The following MIOS variants were observed in gnomAD, a reference collection of about 807,000 sequenced individuals.
MIOS encodes the protein meiosis regulator for oocyte development.
Under a neutral mutation model 96.9 loss-of-function variants are expected in MIOS, and 52 were observed. The observed-to-expected ratio is 0.54, with a 90% confidence interval of 0.43 to 0.68. MIOS has a LOEUF of 0.68. MIOS is among the 30% of genes least tolerant of loss of function. The probability of loss-of-function intolerance (pLI) is 0.00; values close to 1 mark genes in which losing one functional copy is unlikely to be tolerated. For synonymous variants in MIOS, 397 were observed against 359.5 expected (o/e 1.10, Z -1.18); for missense variants, 1,005 against 1,052.8 (o/e 0.95, Z 0.63).
chr7:7,604,303 C>G (rs1250804530), intron 11 of MIOS, among the ~76,000 whole-genome samples: 1 of 152,094 alleles, frequency 6.6e-6, no homozygotes. Context: ...TTGCATCCAT[C>G]CATCATGCTT....
intron 8 of MIOS, 47 bp downstream of exon 8, chr7:7,588,610 T>C (rs1783958763): frequency 1.6e-6 from 2 of 1,246,474 alleles, no homozygotes; most frequent in Non-Finnish European, 1.1e-6. Context: ...ATATGTACTG[T>C]CACAATTATG....
chr7:7,599,475 G>A (rs893303458), intron 11 of MIOS, among the ~76,000 whole-genome samples: 1 of 152,192 alleles, frequency 6.6e-6, no homozygotes, highest in East Asian at 1.9e-4. Flanking sequence ...AAGGATATCT[G>A]GAAAGCTTTA....
chr7:7,594,835 T>A (rs900197785), intron 9 of MIOS, 145 bp from the exon 10 acceptor site: 13 of 484,766 alleles, frequency 2.7e-5, no homozygotes, highest in Non-Finnish European at 4.4e-5. Context: ...TAAATTTTCT[T>A]TATTCTCATT....
chr7:7,573,311 G>A lies in MIOS; in HGVS notation c.836G>A (p.Arg279Lys). 6.2e-7 allele frequency: 1 copy of A among 1,614,012 alleles called. No homozygotes were observed. Among genetic ancestry groups the A allele is most frequent in the Non-Finnish European group, 8.5e-7 (1 of 1,179,952 alleles). ...ACAAAAGTAGCATGGTGTCCCACTAGGACTGGTCTACTTGCCACTTTAACA... is the reference window on the plus strand; with the variant it reads ...ACAAAAGTAGCATGGTGTCCCACTAAGACTGGTCTACTTGCCACTTTAACA... ...PLTKVAWCPT[R>K]TGLLATLTRD... The change falls in exon 4 of 13, where the codon AGG (arginine) becomes AAG (lysine). Residue 279 changes from arginine (R) to lysine (K), a missense_variant. Arg to Lys is a conservative substitution (Grantham distance 26). This residue lies in a region of MIOS where 865 missense variants were observed against 887.9 expected (regional missense o/e 0.97). Coordinates refer to ENST00000340080, the MANE Select transcript of MIOS (RefSeq NM_019005.4). The surrounding 1 kb of genome is among the most constrained non-coding windows in gnomAD (Gnocchi z 5.0).
At chr7:7,598,724 C>A (rs1018493928) in intron 11 of MIOS, among the ~76,000 whole-genome samples, 3 of 152,066 alleles carry the variant, frequency 2.0e-5, no homozygotes, top group African/African-American at 7.2e-5. Context: ...GGGCACTCTT[C>A]CTTTTTGCTG....
intron 5 of MIOS, among the ~76,000 whole-genome samples, chr7:7,575,232 A>G (rs532915100): frequency 6.6e-6 from 1 of 152,286 alleles, no homozygotes; most frequent in African/African-American, 2.4e-5. Context: ...CGGAGCTTGT[A>G]TCAGTACCAT....
chr7:7,602,751 C>T (rs184905755), intron 11 of MIOS, among the ~76,000 whole-genome samples: 13 of 152,108 alleles, frequency 8.5e-5, no homozygotes, highest in Non-Finnish European at 1.5e-4. Flanking sequence ...AAAAAGAGCC[C>T]GCATTGCCAA....
At chr7:7,584,421 A>G (rs190449153) in intron 6 of MIOS, among the ~76,000 whole-genome samples, 2 of 152,302 alleles carry the variant, frequency 1.3e-5, no homozygotes, top group African/African-American at 2.4e-5. Context: ...CATACTAACA[A>G]TAGGGAAAAT....
chr7:7,577,343 G>T (rs1390469921), intron 5 of MIOS, among the ~76,000 whole-genome samples: 2 of 152,190 alleles, frequency 1.3e-5, no homozygotes, highest in Non-Finnish European at 2.9e-5. Flanking sequence ...TGGCGGTATG[G>T]ATAGCAAATT....
chr7:7,570,505 G>A lies in MIOS; in HGVS notation c.-40-1931G>A, dbSNP rs149530354. ...GGTGTGGTTTCAGGATGATTCAAGCGCATTACATTTATTGTGCACTTTATT... is the reference window on the plus strand; with the variant it reads ...GGTGTGGTTTCAGGATGATTCAAGCACATTACATTTATTGTGCACTTTATT... On this transcript the variant is annotated intron_variant, in intron 3 of 12. Coordinates refer to ENST00000340080, the MANE Select transcript of MIOS (RefSeq NM_019005.4). 4.9e-3 allele frequency among the ~76,000 whole-genome samples: 748 copies of A among 152,058 alleles called. 17 individuals are homozygous for A. The highest frequency in any genetic ancestry group is 2.1e-3 in the Non-Finnish European group (145 of 67,986).
At chr7:7,582,396 A>G (rs1038743338) in intron 5 of MIOS, among the ~76,000 whole-genome samples, 4 of 152,212 alleles carry the variant, frequency 2.6e-5, no homozygotes, top group East Asian at 3.8e-4. Context: ...TTTGGCACTA[A>G]GTATCATCCT....
chr7:7,590,012 T>C (rs1684005144), intron 9 of MIOS, among the ~76,000 whole-genome samples: 1 of 152,208 alleles, frequency 6.6e-6, no homozygotes, highest in African/African-American at 2.4e-5. Flanking sequence ...TATCCATATT[T>C]TCTCAATTTT....
intron 2 of MIOS, 119 bp from the exon 3 acceptor site, chr7:7,567,907 T>C (rs1783200283): frequency 6.6e-6 from 1 of 152,266 alleles, no homozygotes; most frequent in South Asian, 2.1e-4. Context: ...GATAATGCTG[T>C]TGATATGTTG....
rs770740981 is a variant in MIOS at position 7,608,646 on chromosome 7, T to C, written c.*1554T>C. ...TAATTGATTTCATTTTATTAACATA[T>C]ACCCTTTACCTTTAATATTTCATTT... is the stretch of plus-strand genomic sequence containing the variant. On this transcript the variant is annotated 3_prime_UTR_variant, in exon 13 of 13. Transcript: ENST00000340080. 6.6e-6 allele frequency: 1 copy of C among 152,060 alleles called. No individual in the cohort carries two copies. The highest frequency in any genetic ancestry group is 1.5e-5 in the Non-Finnish European group (1 of 67,946). 9.4% of individuals were successfully genotyped at this position (152,060 alleles called of 1,614,324 possible). A position where few individuals can be genotyped will look rare whatever the true frequency, so the allele number is the denominator to read the frequency against.
intron 3 of MIOS, among the ~76,000 whole-genome samples, chr7:7,568,564 G>C (rs1259287187): frequency 3.3e-5 from 5 of 152,254 alleles, no homozygotes; most frequent in Non-Finnish European, 7.3e-5. Context: ...AACCTGTGCA[G>C]TAGCACAGAG....
chr7:7,575,464 G>C (rs554429264), intron 5 of MIOS, among the ~76,000 whole-genome samples: 1 of 152,036 alleles, frequency 6.6e-6, no homozygotes, highest in Admixed American at 6.5e-5. Flanking sequence ...AATAAGTTTA[G>C]TTAGAAGCTG....
intron 5 of MIOS, among the ~76,000 whole-genome samples, chr7:7,575,865 T>G (rs1358332714): frequency 6.6e-6 from 1 of 152,012 alleles, no homozygotes; most frequent in African/African-American, 2.4e-5. Context: ...ATTCTCTCAT[T>G]GCTAGGTTTT....
At chr7:7,575,463 A>G (rs1783499277) in intron 5 of MIOS, among the ~76,000 whole-genome samples, 1 of 152,114 alleles carries the variant, frequency 6.6e-6, no homozygotes, top group Non-Finnish European at 1.5e-5. Context: ...GAATAAGTTT[A>G]GTTAGAAGCT....
chr7:7,583,270 G>A lies in MIOS; in HGVS notation c.1546G>A (p.Val516Ile). Residue 516 changes from valine (V) to isoleucine (I), a missense_variant, in exon 6 of 13, where the codon GTA becomes ATA. Transcript: ENST00000340080. ...CGTGGGGCCATTTTTGAACTCCCTT[G>A]TACAAGAAGGGGAATGGGAAAGAGC... ...VDVGPFLNSL[V>I]QEGEWERAAA... 1 of 1,614,098 alleles carries A rather than the reference G, an allele frequency of 6.2e-7. No individual in the cohort carries two copies. The highest frequency in any genetic ancestry group is 8.5e-7 in the Non-Finnish European group (1 of 1,179,992).
Sources: gnomAD v4.1 joint callset for allele counts (sites outside exome capture counted in the v4.1 genomes callset) on GRCh38, gnomAD v4.1.1 for gene constraint, gnomAD v4.1.1 regional missense constraint, Gnocchi (gnomAD v3.1) non-coding constraint, MANE v1.5 for transcripts, NCBI Gene and HGNC (gene_info 2026-07-23, HGNC 2026-07-21) for gene names.